Variants in PTGS2 observed in about 807,000 individuals in gnomAD.
The protein encoded by PTGS2 is prostaglandin-endoperoxide synthase 2.
In PTGS2, 14 loss-of-function variants were observed where a neutral mutation model predicts 63.8. The ratio of observed to expected loss-of-function variants is 0.22; its 90% CI spans 0.14 to 0.34. The LOEUF is 0.34. Ranked by LOEUF, PTGS2 falls within the 10% of genes least tolerant of loss-of-function variation. PTGS2 has a pLI of 1.00. For synonymous variants in PTGS2, 271 were observed against 259.5 expected (o/e 1.04, Z -0.43); for missense variants, 533 against 738.5 (o/e 0.72, Z 3.23).
chr1:186,671,907 C>G lies in PTGS2; in HGVS notation c.*2446G>C, dbSNP rs201039864. On this transcript the variant is annotated 3_prime_UTR_variant, in exon 10 of 10. Coordinates refer to ENST00000367468, the MANE Select transcript of PTGS2 (RefSeq NM_000963.4). ...TTACATAAGTTAAATACACATTTGT[C>G]TGAGGCACTGAAACATTCGCATACA... The G allele has an allele frequency of 8.6e-5, 13 of 151,972 alleles. No individual in the cohort carries two copies. The highest frequency in any genetic ancestry group is 1.6e-4 in the Non-Finnish European group (11 of 67,960). The allele number at this position is 151,972 out of a possible 1,614,324, so 9.4% of individuals were successfully genotyped here. A position where few individuals can be genotyped will look rare whatever the true frequency, so the allele number is the denominator to read the frequency against.
Position 186,678,323 on chromosome 1 carries a change from G to T in PTGS2, c.395C>A (p.Ser132Tyr). 1 of 1,613,452 alleles carries T rather than the reference G, an allele frequency of 6.2e-7. No homozygotes were observed. The highest frequency in any genetic ancestry group is 8.5e-7 in the Non-Finnish European group (1 of 1,179,526). The part of the protein sequence containing the change: ...YKSWEAFSNL[S>Y]YYTRALPPVP... ...AGGAGGAAGGGCTCTAGTATAATAG[G>T]AGAGGTTAGAGAAGGCTTCCCAGCT... Residue 132 changes from serine (S) to tyrosine (Y), a missense_variant, in exon 4 of 10, where the codon TCC becomes TAC. Transcript: ENST00000367468.
Position 186,676,854 on chromosome 1 carries a change from C to A in PTGS2, c.702G>T (p.Lys234Asn). 1.2e-6 allele frequency: 2 copies of A among 1,610,278 alleles called. No homozygotes were observed. The highest frequency in any genetic ancestry group is 2.2e-5 in the East Asian group (1 of 44,718). ...ATACCTGATATTTCATTTTTCCATC[C>A]TTGAAAAGGCGCAGTTTACGCTGTC... is the stretch of plus-strand genomic sequence containing the variant. ...LARQRKLRLFKDGKMKYQIID... is the reference protein window; with the variant it reads ...LARQRKLRLFNDGKMKYQIID... The change falls in exon 6 of 10, where the codon AAG (lysine) becomes AAT (asparagine). Residue 234 changes from lysine to asparagine, a missense_variant. Physicochemically the swap from Lys to Asn is moderately conservative, Grantham distance 94. This residue lies in a region of PTGS2 where 118 missense variants were observed against 138.7 expected (regional missense o/e 0.85). Transcript: ENST00000367468.
In PTGS2 at chr1:186,671,898, C is replaced by A. The variant is rs1424447085; in HGVS notation, c.*2455G>T. 1 of 152,030 alleles carries A rather than the reference C, an allele frequency of 6.6e-6. No individual in the cohort carries two copies. The highest frequency in any genetic ancestry group is 6.6e-5 in the Admixed American group (1 of 15,260). The allele number at this position is 152,030 out of a possible 1,614,324, so 9.4% of individuals were successfully genotyped here. A position where few individuals can be genotyped will look rare whatever the true frequency, so the allele number is the denominator to read the frequency against. On this transcript the variant is annotated 3_prime_UTR_variant, in exon 10 of 10. Coordinates refer to ENST00000367468, the MANE Select transcript of PTGS2 (RefSeq NM_000963.4). ...ACTTATCTTTTACATAAGTTAAATA[C>A]ACATTTGTCTGAGGCACTGAAACAT... is the stretch of plus-strand genomic sequence containing the variant.
intron 3 of PTGS2, among the ~76,000 whole-genome samples, 171 bp downstream of exon 3, chr1:186,678,887 A>T (rs562343687): frequency 6.6e-6 from 1 of 152,250 alleles, no homozygotes; most frequent in African/African-American, 2.4e-5. Flanking sequence ...TATAAACTGG[A>T]TGGGACTAAA....
chr1:186,674,236 T>A lies in PTGS2; in HGVS notation c.*117A>T, dbSNP rs1291674493. On this transcript the variant is annotated 3_prime_UTR_variant, in exon 10 of 10. Coordinates refer to ENST00000367468, the MANE Select transcript of PTGS2 (RefSeq NM_000963.4). The stretch of plus-strand genomic sequence containing the variant: ...ATGACTCCTTTCTCCGCAACAGGAG[T>A]ACTGACTTCTGTTACAGAAGATGTT... The A allele has an allele frequency of 4.8e-6, 3 of 626,104 alleles. No individual in the cohort carries two copies. Among genetic ancestry groups the A allele is most frequent in the African/African-American group, 3.8e-5 (2 of 52,344 alleles). The allele number at this position is 626,104 out of a possible 1,614,324, so 38.8% of individuals were successfully genotyped here. A position where few individuals can be genotyped will look rare whatever the true frequency, so the allele number is the denominator to read the frequency against.
At position 186,672,628 on chromosome 1, in the gene PTGS2, AG is replaced by A. The variant is rs1665709255; in HGVS notation, c.*1724del. 1 of 152,608 alleles carries A rather than the reference AG, an allele frequency of 6.6e-6. No homozygotes were observed. 9.5% of individuals were successfully genotyped at this position (152,608 alleles called of 1,614,324 possible). ...GTAATATACAGTACCATTAAATGTC[AG>A]TGACAATGAGATGTGGAAAAGAAGT... On this transcript the variant is annotated 3_prime_UTR_variant, in exon 10 of 10. Transcript: ENST00000367468.
intron 7 of PTGS2, 59 bp from the exon 8 acceptor site, chr1:186,676,243 C>A: frequency 6.7e-7 from 1 of 1,485,210 alleles, no homozygotes; most frequent in Non-Finnish European, 9.0e-7. Context: ...AGCTTTCAAG[C>A]AACTGGAATG....
intron 1 of PTGS2, 76 bp from the exon 2 acceptor site, chr1:186,679,514 GAATCAACTTTACAATAATAAATT>G (rs1401736460): frequency 1.8e-6 from 2 of 1,092,118 alleles, no homozygotes; most frequent in Non-Finnish European, 2.7e-6. Context: ...GTTTGACTAT[GAATCAACTTTACAATAATAAATT>G]CAAGAAATAT....
intron 3 of PTGS2, 71 bp from the exon 4 acceptor site, chr1:186,678,475 G>T: frequency 7.2e-7 from 1 of 1,396,408 alleles, no homozygotes; most frequent in Non-Finnish European, 9.6e-7. Context: ...TATTTTTATT[G>T]TAAAATGTGG....
chr1:186,676,949 CTGT>C (rs1263180732), intron 5 of PTGS2, 33 bp from the exon 6 acceptor site: 1 of 1,531,814 alleles, frequency 6.5e-7, no homozygotes, highest in African/African-American at 1.4e-5. Context: ...TAATTTGTTG[CTGT>C]TGAAGTTTTT....
rs1376527740 is a variant in PTGS2, at chr1:186,672,738, TG to T, written c.*1614del. 2 of 152,572 alleles carry T rather than the reference TG, an allele frequency of 1.3e-5. No individual in the cohort carries two copies. Among genetic ancestry groups the T allele is most frequent in the African/African-American group, 4.8e-5 (2 of 41,446 alleles). 9.5% of individuals were successfully genotyped at this position (152,572 alleles called of 1,614,324 possible). A position where few individuals can be genotyped will look rare whatever the true frequency, so the allele number is the denominator to read the frequency against. On this transcript the variant is annotated 3_prime_UTR_variant, in exon 10 of 10. Transcript: ENST00000367468. ...AAATAAGAAAGGGCATTAATTAGAA[TG>T]GGAACGTAACTTTTTCCAGTCACAA...
rs1294273033 is a variant in PTGS2 at position 186,672,008 on chromosome 1, A to G, written c.*2345T>C. 1.3e-5 allele frequency: 2 copies of G among 152,022 alleles called. No individual in the cohort carries two copies. The highest frequency in any genetic ancestry group is 2.9e-5 in the Non-Finnish European group (2 of 67,972). 9.4% of individuals were successfully genotyped at this position (152,022 alleles called of 1,614,324 possible). On this transcript the variant is annotated 3_prime_UTR_variant, in exon 10 of 10. Transcript: ENST00000367468. Reference sequence around the variant, plus strand: ...AGTTTTTTTTTTAAAAAAAACAGTGAACAGTGTTTTATACAAGCATATTGA... The same window carrying G: ...AGTTTTTTTTTTAAAAAAAACAGTGGACAGTGTTTTATACAAGCATATTGA...
intron 7 of PTGS2, 29 bp from the exon 8 acceptor site, chr1:186,676,213 A>G: frequency 1.3e-6 from 2 of 1,547,764 alleles, no homozygotes; most frequent in Non-Finnish European, 1.7e-6. Flanking sequence ...TAATAAAAAC[A>G]TTTATTGCAT....
rs1204598565 is a variant in PTGS2 at position 186,671,996 on chromosome 1, A to G, written c.*2357T>C. ...AATAACAAATCAAGTTTTTTTTTTA[A>G]AAAAAACAGTGAACAGTGTTTTATA... is the stretch of plus-strand genomic sequence containing the variant. On this transcript the variant is annotated 3_prime_UTR_variant, in exon 10 of 10. Transcript: ENST00000367468. 6.6e-6 allele frequency: 1 copy of G among 151,870 alleles called. No homozygotes were observed. The allele number at this position is 151,870 out of a possible 1,614,324, so 9.4% of individuals were successfully genotyped here.
chr1:186,676,775 T>C, intron 6 of PTGS2, 58 bp downstream of exon 6: 1 of 1,595,104 alleles, frequency 6.3e-7, no homozygotes, highest in Non-Finnish European at 8.5e-7. Flanking sequence ...TTTTTAGGGA[T>C]TTTAAAATAT....
Position 186,675,270 on chromosome 1 carries a change from C to T in PTGS2, c.1384G>A (p.Glu462Lys), listed in dbSNP as rs1665760947. 1 of 1,613,448 alleles carries T rather than the reference C, an allele frequency of 6.2e-7. No homozygotes were observed. Reference sequence around the variant, plus strand: ...TTACCTGTAAGTTCTTCAAATGATTCATAGGGCTTCAGCATAAAGCGTTTG... The same window carrying T: ...TTACCTGTAAGTTCTTCAAATGATTTATAGGGCTTCAGCATAAAGCGTTTG... ...YRKRFMLKPY[E>K]SFEELTGEKE... The change falls in exon 9 of 10, where the codon GAA becomes AAA. Residue 462 changes from glutamate (E) to lysine (K), a missense_variant. Physicochemically the swap from Glu to Lys is moderately conservative, Grantham distance 56 (BLOSUM62 1). Coordinates refer to ENST00000367468, the MANE Select transcript of PTGS2 (RefSeq NM_000963.4).
Position 186,676,613 on chromosome 1 carries a change from T to C in PTGS2, c.824A>G (p.Gln275Arg), listed in dbSNP as rs767815237. The C allele has an allele frequency of 8.7e-6, 14 of 1,614,000 alleles. No individual in the cohort carries two copies. In the African/African-American group the frequency reaches 1.9e-4, roughly 22 times the overall value. The change falls in exon 7 of 10, where the codon CAG becomes CGG. Residue 275 changes from glutamine (Q) to arginine (R), a missense_variant. Transcript: ENST00000367468. ...VPEHLRFAVG[Q>R]EVFGLVPGLM... ...ACCAGGCACCAGACCAAAGACCTCC[T>C]GCCCCACAGCAAACCGTAGATGCTC...
At chr1:186,675,726 A>C (rs1665767894) in intron 8 of PTGS2, 172 bp downstream of exon 8, 3 of 752,350 alleles carry the variant, frequency 4.0e-6, no homozygotes, top group Non-Finnish European at 6.1e-6. Flanking sequence ...TGTAGACTAG[A>C]CTAAAAGTTT....
Position 186,672,873 on chromosome 1 carries a change from T to C in PTGS2, c.*1480A>G, listed in dbSNP as rs1190232612. The stretch of plus-strand genomic sequence containing the variant: ...CTCTGCTTTTCACTTAAAATAAGTG[T>C]ATACTATTTTTAAAAGGGCCTTTTT... On this transcript the variant is annotated 3_prime_UTR_variant, in exon 10 of 10. Transcript: ENST00000367468. The C allele has an allele frequency of 3.9e-5, 6 of 152,196 alleles. No individual in the cohort carries two copies. Among genetic ancestry groups the C allele is most frequent in the African/African-American group, 1.4e-4 (6 of 41,442 alleles). 9.4% of individuals were successfully genotyped at this position (152,196 alleles called of 1,614,324 possible).
Sources: allele counts gnomAD v4.1 joint callset (sites outside exome capture counted in the v4.1 genomes callset), GRCh38; gene constraint gnomAD v4.1.1; regional missense constraint gnomAD v4.1.1; transcripts MANE v1.5; gene names NCBI Gene and HGNC (gene_info 2026-07-23, HGNC 2026-07-21).